Variants in MTURN observed in about 807,000 individuals in gnomAD.
MTURN encodes the protein maturin.
A neutral mutation model predicts 14.9 loss-of-function variants in MTURN; 7 were observed. That is an observed-to-expected ratio of 0.47 (90% CI 0.27 to 0.88). The LOEUF (loss-of-function observed/expected upper bound fraction) is 0.88, where lower values mean the gene tolerates loss of function less well. MTURN is among the 40% of genes least tolerant of loss of function. The pLI, the probability that MTURN is intolerant of heterozygous loss-of-function variation, is 0.14. For synonymous variants in MTURN, 69 were observed against 72.5 expected (o/e 0.95, Z 0.25); for missense variants, 151 against 174.1 (o/e 0.87, Z 0.75).
Position 30,135,218 on chromosome 7 carries a change from G to A in MTURN, c.82G>A (p.Glu28Lys). The A allele has an allele frequency of 6.6e-7, 1 of 1,517,912 alleles. No homozygotes were observed. Among genetic ancestry groups the A allele is most frequent in the Non-Finnish European group, 8.8e-7 (1 of 1,131,452 alleles). The allele number at this position is 1,517,912 out of a possible 1,614,324, so 94.0% of individuals were successfully genotyped here. A position where few individuals can be genotyped will look rare whatever the true frequency, so the allele number is the denominator to read the frequency against. Residue 28 changes from glutamate (E) to lysine (K), a missense_variant, in exon 1 of 3, where the codon GAA becomes AAA. Coordinates refer to ENST00000324453, the MANE Select transcript of MTURN (RefSeq NM_152793.3). Reference sequence around the variant, plus strand: ...CGAGCTCATCGCCACCGAGGAGACCGAACGCAGGATGGATTTCTACGCCGA... The same window carrying A: ...CGAGCTCATCGCCACCGAGGAGACCAAACGCAGGATGGATTTCTACGCCGA... ...PFELIATEET[E>K]RRMDFYADPG... is the part of the protein sequence containing the mutation.
rs2128034958 is a variant in MTURN, at chr7:30,159,426, G to T, written c.*1878G>T. On this transcript the variant is annotated 3_prime_UTR_variant, in exon 3 of 3. Transcript: ENST00000324453. ...TGAAATGAGGAAGCTTCACTAGCTT[G>T]CTCCATTGGAAGGTAAACTGAAATT... is the stretch of plus-strand genomic sequence containing the variant. 6.6e-6 allele frequency: 1 copy of T among 152,338 alleles called. No individual in the cohort carries two copies. Among genetic ancestry groups the T allele is most frequent in the Middle Eastern group, 3.4e-3 (1 of 294 alleles). The allele number at this position is 152,338 out of a possible 1,614,324, so 9.4% of individuals were successfully genotyped here. A position where few individuals can be genotyped will look rare whatever the true frequency, so the allele number is the denominator to read the frequency against.
chr7:30,144,381 G>C (rs577944923), intron 1 of MTURN, among the ~76,000 whole-genome samples: 1 of 152,208 alleles, frequency 6.6e-6, no homozygotes, highest in Non-Finnish European at 1.5e-5. Flanking sequence ...AACTTTTGTT[G>C]TTCTTCCAGA....
intron 1 of MTURN, chr7:30,145,947 C>G (rs761659414): frequency 8.4e-6 from 13 of 1,551,642 alleles, no homozygotes; most frequent in Non-Finnish European, 1.1e-5. Context: ...TGATGATGAA[C>G]AGAGCAGGTG....
chr7:30,137,490 T>C (rs565592979), intron 1 of MTURN: 1 of 414,790 alleles, frequency 2.4e-6, no homozygotes, highest in South Asian at 1.8e-5. Context: ...ATTTTAAATA[T>C]TTTCCCATCT....
chr7:30,157,611 C>T lies in MTURN; in HGVS notation c.*63C>T. 1 of 1,279,468 alleles carries T rather than the reference C, an allele frequency of 7.8e-7. No individual in the cohort carries two copies. The highest frequency in any genetic ancestry group is 1.5e-5 in the South Asian group (1 of 67,574). The allele number at this position is 1,279,468 out of a possible 1,614,324, so 79.3% of individuals were successfully genotyped here. On this transcript the variant is annotated 3_prime_UTR_variant, in exon 3 of 3. Transcript: ENST00000324453. Reference sequence around the variant, plus strand: ...AGTAACCTAGGTGGGGTCACTGCCCCTCCTGGGTTAGCATTTTGCATTAGC... The same window carrying T: ...AGTAACCTAGGTGGGGTCACTGCCCTTCCTGGGTTAGCATTTTGCATTAGC...
At position 30,135,272 on chromosome 7, in the gene MTURN, C is replaced by G. The variant is rs576650873; in HGVS notation, c.136C>G (p.Pro46Ala). Reference sequence around the variant, plus strand: ...CGGCGTCTCCTTCTATGTGCTGTGTCCGGACAACGGCTGCGGCGACAATTT... The same window carrying G: ...CGGCGTCTCCTTCTATGTGCTGTGTGCGGACAACGGCTGCGGCGACAATTT... The part of the protein sequence containing the change: ...DPGVSFYVLC[P>A]DNGCGDNFHV... Residue 46 changes from proline (P) to alanine (A), a missense_variant, in exon 1 of 3, where the codon CCG becomes GCG. Physicochemically the swap from Pro to Ala is conservative, Grantham distance 27. Coordinates refer to ENST00000324453, the MANE Select transcript of MTURN (RefSeq NM_152793.3). The G allele has an allele frequency of 1.3e-6, 2 of 1,528,300 alleles. No homozygotes were observed. Among genetic ancestry groups the G allele is most frequent in the East Asian group, 2.8e-5 (1 of 35,730 alleles). The allele number at this position is 1,528,300 out of a possible 1,614,324, so 94.7% of individuals were successfully genotyped here.
rs780394322 is a variant in MTURN, at chr7:30,161,083, G to A, written c.*3535G>A. ...TGTTTCTGTTTCATAAGAGCACAAT[G>A]TACATGGACCTAGGGGAGCTGTGGT... is the stretch of plus-strand genomic sequence containing the variant. On this transcript the variant is annotated 3_prime_UTR_variant, in exon 3 of 3. Transcript: ENST00000324453. 2 of 152,620 alleles carry A rather than the reference G, an allele frequency of 1.3e-5. No individual in the cohort carries two copies. Among genetic ancestry groups the A allele is most frequent in the Non-Finnish European group, 2.9e-5 (2 of 68,034 alleles). 9.5% of individuals were successfully genotyped at this position (152,620 alleles called of 1,614,324 possible).
At position 30,160,682 on chromosome 7, in the gene MTURN, C is replaced by T. The variant is rs752290873; in HGVS notation, c.*3134C>T. Reference sequence around the variant, plus strand: ...CCAAAATCATGCCTTGATAACATTACAAAACCGTGATCCTGGGTTTGAGTG... The same window carrying T: ...CCAAAATCATGCCTTGATAACATTATAAAACCGTGATCCTGGGTTTGAGTG... On this transcript the variant is annotated 3_prime_UTR_variant, in exon 3 of 3. Coordinates refer to ENST00000324453, the MANE Select transcript of MTURN (RefSeq NM_152793.3). 6.6e-6 allele frequency: 1 copy of T among 152,252 alleles called. No individual in the cohort carries two copies. Among genetic ancestry groups the T allele is most frequent in the Non-Finnish European group, 1.5e-5 (1 of 68,066 alleles). 9.4% of individuals were successfully genotyped at this position (152,252 alleles called of 1,614,324 possible).
At chr7:30,146,323 C>T (rs751218428) in intron 2 of MTURN, 24 bp downstream of exon 2, 2 of 1,612,658 alleles carry the variant, frequency 1.2e-6, no homozygotes, top group South Asian at 2.2e-5. Flanking sequence ...TGGCTTCTCA[C>T]CACAGCTTGT....
intron 1 of MTURN, among the ~76,000 whole-genome samples, chr7:30,142,976 G>A (rs1797074181): frequency 6.6e-6 from 1 of 152,158 alleles, no homozygotes; most frequent in South Asian, 2.1e-4. Flanking sequence ...AGTTACTGTG[G>A]CCACGCCCAG....
chr7:30,148,432 G>T (rs151252283), intron 2 of MTURN, among the ~76,000 whole-genome samples: 1 of 152,314 alleles, frequency 6.6e-6, no homozygotes, highest in African/African-American at 2.4e-5. Context: ...GCCCCCCAAG[G>T]GGTTAGGCAG....
rs761221244 is a variant in MTURN, at chr7:30,135,247, C to T, written c.111C>T (p.Pro37=). Residue 37 remains proline (P), a synonymous_variant, in exon 1 of 3, where the codon CCC becomes CCT. Transcript: ENST00000324453. ...GCAGGATGGATTTCTACGCCGACCC[C>T]GGCGTCTCCTTCTATGTGCTGTGTC... ...TERRMDFYAD[P]GVSFYVLCPD... 9.2e-6 allele frequency: 14 copies of T among 1,519,868 alleles called. No homozygotes were observed. Among genetic ancestry groups the T allele is most frequent in the Middle Eastern group, 3.5e-4 (2 of 5,760 alleles). 94.1% of individuals were successfully genotyped at this position (1,519,868 alleles called of 1,614,324 possible). A position where few individuals can be genotyped will look rare whatever the true frequency, so the allele number is the denominator to read the frequency against.
chr7:30,140,443 TTTA>T (rs1797034526), intron 1 of MTURN, among the ~76,000 whole-genome samples: 1 of 42,578 alleles, frequency 2.3e-5, no homozygotes, highest in Non-Finnish European at 6.4e-5. Context: ...TGAACACATC[TTTA>T]TTATTAACTA....
At chr7:30,149,793 T>C (rs1797181568) in intron 2 of MTURN, among the ~76,000 whole-genome samples, 1 of 152,218 alleles carries the variant, frequency 6.6e-6, no homozygotes, top group South Asian at 2.1e-4. Context: ...TACATGGGAA[T>C]CTGATCAATC....
At chr7:30,138,296 G>C (rs575293091) in intron 1 of MTURN, among the ~76,000 whole-genome samples, 2 of 151,970 alleles carry the variant, frequency 1.3e-5, no homozygotes, top group African/African-American at 2.4e-5. Context: ...TCTATTTTTC[G>C]TAGAGACAGG....
At chr7:30,142,881 A>G (rs1245652903) in intron 1 of MTURN, among the ~76,000 whole-genome samples, 1 of 152,226 alleles carries the variant, frequency 6.6e-6, no homozygotes, top group Non-Finnish European at 1.5e-5. Flanking sequence ...GTTCAGCGCT[A>G]GAGGTTCTCT....
chr7:30,145,976 C>T (rs1213783244), intron 1 of MTURN: 6 of 1,551,220 alleles, frequency 3.9e-6, no homozygotes, highest in Admixed American at 2.0e-5. Flanking sequence ...ACCAAAAGCT[C>T]GGGGGCTTCT....
chr7:30,152,240 C>A (rs911953078), intron 2 of MTURN, among the ~76,000 whole-genome samples: 2 of 151,732 alleles, frequency 1.3e-5, no homozygotes, highest in African/African-American at 4.8e-5. Flanking sequence ...AAGAGAGTGC[C>A]TCCTCCTGCC....
chr7:30,143,369 T>C (rs1017755542), intron 1 of MTURN, among the ~76,000 whole-genome samples: 1 of 151,624 alleles, frequency 6.6e-6, no homozygotes, highest in Non-Finnish European at 1.5e-5. Flanking sequence ...TTTTTTTTTT[T>C]TCCCAATGAC....
Sources: allele counts gnomAD v4.1 joint callset (sites outside exome capture counted in the v4.1 genomes callset), GRCh38; gene constraint gnomAD v4.1.1; transcripts MANE v1.5; gene names NCBI Gene and HGNC (gene_info 2026-07-23, HGNC 2026-07-21).